The following ZFAND3 variants were observed in gnomAD, a reference collection of about 807,000 sequenced individuals.
ZFAND3 encodes the protein zinc finger AN1-type containing 3.
Under a neutral mutation model 29.6 loss-of-function variants are expected in ZFAND3, and 10 were observed. That is an observed-to-expected ratio of 0.34 (90% CI 0.21 to 0.57). The LOEUF (loss-of-function observed/expected upper bound fraction) is 0.57. Among genes scored for constraint, ZFAND3 ranks in the 20% least tolerant of loss-of-function variants. ZFAND3 has a pLI of 0.86. For missense variants in ZFAND3, 230 were observed against 304.5 expected (o/e 0.76, Z 1.82); for synonymous variants, 128 against 112.6 (o/e 1.14, Z -0.87).
chr6:38,111,884 G>A (rs758466315), intron 4 of ZFAND3, among the ~76,000 whole-genome samples: 35 of 152,196 alleles, frequency 2.3e-4, no homozygotes, highest in Non-Finnish European at 4.6e-4. Context: ...GATGTATGTA[G>A]CTTATATGCA....
At chr6:37,993,739 TAAAG>T (rs753043555) in intron 2 of ZFAND3, among the ~76,000 whole-genome samples, 5 of 152,188 alleles carry the variant, frequency 3.3e-5, no homozygotes, top group Non-Finnish European at 7.4e-5. Flanking sequence ...CTCAGGAATT[TAAAG>T]TAAAAAAAAG....
rs1340427700 is a variant in ZFAND3, at chr6:38,154,017, C to T, written c.*1628C>T. The T allele has an allele frequency of 6.1e-6, 6 of 985,386 alleles. No individual in the cohort carries two copies. In the Admixed American group the frequency reaches 3.1e-4, roughly 50 times the overall value. 61.0% of individuals were successfully genotyped at this position (985,386 alleles called of 1,614,324 possible). A position where few individuals can be genotyped will look rare whatever the true frequency, so the allele number is the denominator to read the frequency against. ...GAAATAGGAAGTCATGCTCTTCCCACCCTCCACCCACCAGAGTGGAACCCG... is the reference window on the plus strand; with the variant it reads ...GAAATAGGAAGTCATGCTCTTCCCATCCTCCACCCACCAGAGTGGAACCCG... On this transcript the variant is annotated 3_prime_UTR_variant, in exon 6 of 6. Transcript: ENST00000287218.
chr6:38,132,240 G>A (rs536642805), intron 5 of ZFAND3, among the ~76,000 whole-genome samples: 12 of 152,234 alleles, frequency 7.9e-5, no homozygotes, highest in African/African-American at 2.6e-4. Flanking sequence ...GGCTGGGTGC[G>A]GTGGCTCACA....
At chr6:38,122,776 T>G (rs1765560042) in intron 5 of ZFAND3, among the ~76,000 whole-genome samples, 1 of 152,222 alleles carries the variant, frequency 6.6e-6, no homozygotes, top group African/African-American at 2.4e-5. Flanking sequence ...GGTATAGGTA[T>G]AAGGTATAAG....
chr6:38,068,086 T>TA (rs1464704034), intron 3 of ZFAND3, among the ~76,000 whole-genome samples: 1 of 152,190 alleles, frequency 6.6e-6, no homozygotes, highest in Non-Finnish European at 1.5e-5. Context: ...ACCTATCTCA[T>TA]ACAAAACAGT....
intron 2 of ZFAND3, among the ~76,000 whole-genome samples, chr6:38,050,050 G>T (rs961137436): frequency 7.1e-6 from 1 of 141,224 alleles, no homozygotes; most frequent in African/African-American, 2.7e-5. Context: ...TGCATCCCAG[G>T]TTCAAGCAAT....
intron 2 of ZFAND3, among the ~76,000 whole-genome samples, chr6:37,953,270 T>G (rs2127421636): frequency 6.6e-6 from 1 of 152,106 alleles, no homozygotes. Context: ...CTTTGTTGAC[T>G]TATATTAATG....
intron 5 of ZFAND3, among the ~76,000 whole-genome samples, chr6:38,127,550 CACTT>C (rs1562009517): frequency 6.6e-6 from 1 of 152,204 alleles, no homozygotes; most frequent in Non-Finnish European, 1.5e-5. Flanking sequence ...GGGCTATACT[CACTT>C]GAGGTGATGA....
At chr6:38,078,485 G>A (rs1345087509) in intron 3 of ZFAND3, among the ~76,000 whole-genome samples, 1 of 152,140 alleles carries the variant, frequency 6.6e-6, no homozygotes, top group Non-Finnish European at 1.5e-5. Flanking sequence ...ATTTGCTTTA[G>A]CAAAAGAAAG....
intron 1 of ZFAND3, among the ~76,000 whole-genome samples, chr6:37,833,766 C>T (rs1394838228): frequency 7.0e-6 from 1 of 143,516 alleles, no homozygotes; most frequent in Non-Finnish European, 1.5e-5. Flanking sequence ...GTGGAGGCTG[C>T]AGTGAGCCAA....
At chr6:37,968,028 A>G (rs1243659693) in intron 2 of ZFAND3, among the ~76,000 whole-genome samples, 1 of 152,216 alleles carries the variant, frequency 6.6e-6, no homozygotes, top group Non-Finnish European at 1.5e-5. Context: ...GGAGAGCACC[A>G]ACTAGAATAT....
At chr6:37,836,850 C>T (rs1041522343) in intron 1 of ZFAND3, among the ~76,000 whole-genome samples, 4 of 152,050 alleles carry the variant, frequency 2.6e-5, no homozygotes, top group East Asian at 3.8e-4. Flanking sequence ...GACAAGATTG[C>T]GTTCACCTCA....
rs935460696 is a variant in ZFAND3, at chr6:38,015,077, A to G, written c.113-46516A>G. ...TTTAAGGTCTACAAGGAGGAGGAGT[A>G]TATATTTTACTGTTTCTCTTGTTAT... On this transcript the variant is annotated intron_variant, in intron 2 of 5. Coordinates refer to ENST00000287218, the MANE Select transcript of ZFAND3 (RefSeq NM_021943.3). Among the ~76,000 whole-genome samples, 7 of 152,314 alleles carry G rather than the reference A, an allele frequency of 4.6e-5. 2 individuals carry two copies. The highest frequency in any genetic ancestry group is 4.6e-4 in the Admixed American group (7 of 15,300).
intron 1 of ZFAND3, among the ~76,000 whole-genome samples, chr6:37,829,588 A>G (rs182724395): frequency 6.6e-6 from 1 of 152,174 alleles, no homozygotes; most frequent in Non-Finnish European, 1.5e-5. Context: ...TTGTATATTG[A>G]CCCACAAAAA....
At chr6:37,938,993 T>TG (rs1336729530) in intron 2 of ZFAND3, among the ~76,000 whole-genome samples, 1 of 152,208 alleles carries the variant, frequency 6.6e-6, no homozygotes, top group African/African-American at 2.4e-5. Context: ...TCCCTCTTGT[T>TG]GGTCTAAAGC....
intron 2 of ZFAND3, among the ~76,000 whole-genome samples, chr6:37,965,057 C>T (rs1467693751): frequency 6.6e-6 from 1 of 152,120 alleles, no homozygotes; most frequent in South Asian, 2.1e-4. Context: ...AAGACCAGTT[C>T]TTTTCTTCCC....
intron 4 of ZFAND3, among the ~76,000 whole-genome samples, chr6:38,109,462 G>A (rs925597935): frequency 2.0e-5 from 3 of 152,038 alleles, no homozygotes; most frequent in Non-Finnish European, 2.9e-5. Flanking sequence ...GATTACAGGC[G>A]TGAGTCACTG....
chr6:37,852,874 C>T (rs1764308674), intron 1 of ZFAND3, among the ~76,000 whole-genome samples: 1 of 152,038 alleles, frequency 6.6e-6, no homozygotes. Context: ...AGCCACCATG[C>T]CCAGCCTTTA....
chr6:38,045,167 A>C (rs1348329997), intron 2 of ZFAND3, among the ~76,000 whole-genome samples: 2 of 150,978 alleles, frequency 1.3e-5, no homozygotes, highest in Non-Finnish European at 3.0e-5. Flanking sequence ...GGCTCACTGC[A>C]ACCTCCGCCT....
Sources: allele counts gnomAD v4.1 joint callset (sites outside exome capture counted in the v4.1 genomes callset), GRCh38; gene constraint gnomAD v4.1.1; transcripts MANE v1.5; gene names NCBI Gene and HGNC (gene_info 2026-07-23, HGNC 2026-07-21).